Variants in CRACDL observed in about 807,000 individuals in gnomAD.
The protein encoded by CRACDL is CRACD like.
A neutral mutation model predicts 70.6 loss-of-function variants in CRACDL; 26 were observed. That is an observed-to-expected ratio of 0.37 (90% CI 0.27 to 0.51). The LOEUF (loss-of-function observed/expected upper bound fraction) is 0.51. Ranked by LOEUF, CRACDL falls within the 20% of genes least tolerant of loss-of-function variation. The pLI, the probability that CRACDL is intolerant of heterozygous loss-of-function variation, is 0.94. For missense variants in CRACDL, 1,283 were observed against 1,376.9 expected, an observed-to-expected ratio of 0.93 and a Z score of 1.08; for synonymous variants, 618 against 615.2, an observed-to-expected ratio of 1.00 and a Z score of -0.07.
chr2:98,856,923 A>G (rs544280617), intron 1 of CRACDL, among the ~76,000 whole-genome samples: 250 of 152,236 alleles, frequency 1.6e-3, no homozygotes, highest in African/African-American at 5.8e-3. Flanking sequence ...TTTTATTAGG[A>G]GTCATGATAC....
intron 1 of CRACDL, among the ~76,000 whole-genome samples, chr2:98,870,005 G>A (rs949471425): frequency 6.6e-6 from 1 of 152,092 alleles, no homozygotes; most frequent in African/African-American, 2.4e-5. Context: ...CTGCCCAGCC[G>A]GCTCCCCAGC....
intron 1 of CRACDL, among the ~76,000 whole-genome samples, chr2:98,873,086 A>T (rs1420699973): frequency 6.6e-6 from 1 of 152,198 alleles, no homozygotes; most frequent in East Asian, 1.9e-4. Flanking sequence ...CAGTTTCCTA[A>T]CTTGGAAACC....
intron 1 of CRACDL, among the ~76,000 whole-genome samples, chr2:98,889,167 G>T (rs2104631022): frequency 6.8e-6 from 1 of 147,514 alleles, no homozygotes; most frequent in South Asian, 2.2e-4. Flanking sequence ...AGGAAGGAAG[G>T]AAGGGGAAGG....
chr2:98,833,290 C>T (rs1705623262), intron 3 of CRACDL, among the ~76,000 whole-genome samples: 1 of 152,232 alleles, frequency 6.6e-6, no homozygotes, highest in Non-Finnish European at 1.5e-5. Flanking sequence ...TGCAAGACAG[C>T]AAGCCTGCAG....
chr2:98,822,740 C>CGCG lies in CRACDL; in HGVS notation c.1530_1532dup (p.Ala511dup). On this transcript the variant is annotated inframe_insertion, in exon 7 of 10. Coordinates refer to ENST00000397899, the MANE Select transcript of CRACDL (RefSeq NM_207362.3). The surrounding 1 kb of genome is among the most constrained non-coding windows in gnomAD (Gnocchi z 4.9). ...ACTCCGCAGCGGCAAGCGGCGGGGA[C>CGCG]GCGGCGGGGCCCTCGCTGGCGGCCG... The CGCG allele has an allele frequency of 7.9e-7, 1 of 1,261,536 alleles. No individual in the cohort carries two copies. The highest frequency in any genetic ancestry group is 9.9e-7 in the Non-Finnish European group (1 of 1,007,552). The allele number at this position is 1,261,536 out of a possible 1,614,324, so 78.1% of individuals were successfully genotyped here. A position where few individuals can be genotyped will look rare whatever the true frequency, so the allele number is the denominator to read the frequency against.
In CRACDL at chr2:98,866,472, C is replaced by CTTTTTTTTTTTTT. The variant is rs869154325; in HGVS notation, c.-10-19663_-10-19662insAAAAAAAAAAAAA. Reference sequence around the variant, plus strand: ...CACCTGATAGATGAAACAATCACTTCTTCTTTTTTTTTTTTTTTTTTTTTT... The same window carrying CTTTTTTTTTTTTT: ...CACCTGATAGATGAAACAATCACTTCTTTTTTTTTTTTTTTCTTTTTTTTTTTTTTTTTTTTTT... On this transcript the variant is annotated intron_variant, in intron 1 of 9. Coordinates refer to ENST00000397899, the MANE Select transcript of CRACDL (RefSeq NM_207362.3). 8.3e-5 allele frequency among the ~76,000 whole-genome samples: 9 copies of CTTTTTTTTTTTTT among 107,812 alleles called. 3 individuals carry two copies. Among genetic ancestry groups the CTTTTTTTTTTTTT allele is most frequent in the Non-Finnish European group, 9.2e-5 (5 of 54,250 alleles). 70.7% of individuals were successfully genotyped at this position (107,812 alleles called of 152,430 possible). A position where few individuals can be genotyped will look rare whatever the true frequency, so the allele number is the denominator to read the frequency against.
In CRACDL at chr2:98,892,164, G is replaced by A. The variant is rs185176002; in HGVS notation, c.-11+43774C>T. ...AAAATCTTAAAAGTACTCATCCTTT[G>A]ACCAGGCAATTCCACCTCTGGGAAT... On this transcript the variant is annotated intron_variant, in intron 1 of 9. Transcript: ENST00000397899. Among the ~76,000 whole-genome samples the A allele has an allele frequency of 4.8e-4, 73 of 152,204 alleles. 1 individual carries two copies. The highest frequency in any genetic ancestry group is 1.7e-3 in the African/African-American group (72 of 41,534).
intron 1 of CRACDL, among the ~76,000 whole-genome samples, chr2:98,894,358 A>G (rs1708062612): frequency 6.6e-6 from 1 of 151,984 alleles, no homozygotes; most frequent in Non-Finnish European, 1.5e-5. Context: ...ATTAGCACAC[A>G]GAAGCAACAA....
intron 6 of CRACDL, 66 bp downstream of exon 6, chr2:98,826,909 G>T (rs552233535): frequency 2.9e-5 from 37 of 1,288,900 alleles, no homozygotes; most frequent in African/African-American, 2.4e-4. Context: ...GGCAGGTTGG[G>T]GGGGGGCATA....
Position 98,823,639 on chromosome 2 carries a change from G to T in CRACDL, c.736-102C>A. The stretch of plus-strand genomic sequence containing the variant: ...GGCTTATAATGGTTTAGTGATAGCA[G>T]CACTATAAAGCTGGCACTTAAGTAG... On this transcript the variant is annotated intron_variant, in intron 6 of 9. Transcript: ENST00000397899. The surrounding 1 kb of genome is among the most constrained non-coding windows in gnomAD (Gnocchi z 4.0). 4.3e-6 allele frequency: 6 copies of T among 1,383,464 alleles called. No individual in the cohort carries two copies. Among genetic ancestry groups the T allele is most frequent in the Non-Finnish European group, 5.9e-6 (6 of 1,012,194 alleles). 85.7% of individuals were successfully genotyped at this position (1,383,464 alleles called of 1,614,324 possible). A position where few individuals can be genotyped will look rare whatever the true frequency, so the allele number is the denominator to read the frequency against.
intron 1 of CRACDL, among the ~76,000 whole-genome samples, chr2:98,904,686 C>G (rs2104663364): frequency 6.6e-6 from 1 of 152,278 alleles, no homozygotes; most frequent in East Asian, 1.9e-4. Context: ...ACCATGTGGG[C>G]CCCCTCACTG....
intron 2 of CRACDL, among the ~76,000 whole-genome samples, chr2:98,844,389 T>C (rs1317367804): frequency 6.6e-6 from 1 of 152,224 alleles, no homozygotes; most frequent in Non-Finnish European, 1.5e-5. Context: ...AATTCTGATA[T>C]TGATGCCTTC....
intron 1 of CRACDL, among the ~76,000 whole-genome samples, chr2:98,932,613 AATCCCCGCAACGCCG>A (rs1381460898): frequency 5.9e-5 from 9 of 152,122 alleles, no homozygotes; most frequent in African/African-American, 1.9e-4. Flanking sequence ...AAAGCCATTC[AATCCCCGCAACGCCG>A]CTGCCAGCTA....
chr2:98,933,895 G>T (rs1709144297), intron 1 of CRACDL, among the ~76,000 whole-genome samples: 1 of 152,180 alleles, frequency 6.6e-6, no homozygotes, highest in African/African-American at 2.4e-5. Context: ...GAGGCTGGAA[G>T]TCCAAGATCA....
intron 1 of CRACDL, among the ~76,000 whole-genome samples, chr2:98,918,539 C>CAAAAAAAAAAAAAAAAAA (rs58312556): frequency 1.2e-4 from 8 of 66,346 alleles, no homozygotes; most frequent in South Asian, 6.1e-4. Flanking sequence ...TGTTGTCTAC[C>CAAAAAAAAAAAAAAAAAA]AAAAAAAAAA....
chr2:98,870,513 G>A (rs1707302110), intron 1 of CRACDL, among the ~76,000 whole-genome samples: 1 of 151,218 alleles, frequency 6.6e-6, no homozygotes, highest in Non-Finnish European at 1.5e-5. Context: ...CCAACGACTT[G>A]GCCTTCTCCC....
intron 1 of CRACDL, among the ~76,000 whole-genome samples, chr2:98,886,007 A>G (rs878915051): frequency 6.6e-6 from 1 of 152,172 alleles, no homozygotes; most frequent in Non-Finnish European, 1.5e-5. Context: ...ATAAACAGCC[A>G]AATCTCGGTA....
chr2:98,795,002 GA>G (rs1703737208), intron 9 of CRACDL, among the ~76,000 whole-genome samples: 1 of 140,328 alleles, frequency 7.1e-6, no homozygotes, highest in Admixed American at 7.4e-5. Flanking sequence ...AAATGGCTAA[GA>G]TGGTAAATTC....
chr2:98,798,443 C>CAAAAAAA (rs70940125), intron 7 of CRACDL, among the ~76,000 whole-genome samples: 22 of 44,356 alleles, frequency 5.0e-4, no homozygotes, highest in East Asian at 3.1e-3. Flanking sequence ...GACTCCGTCT[C>CAAAAAAA]AAAAAAAAAA....
Sources: gnomAD v4.1 joint callset for allele counts (sites outside exome capture counted in the v4.1 genomes callset) on GRCh38, gnomAD v4.1.1 for gene constraint, Gnocchi (gnomAD v3.1) non-coding constraint, MANE v1.5 for transcripts, NCBI Gene and HGNC (gene_info 2026-07-23, HGNC 2026-07-21) for gene names.